The following SGIP1 variants were observed in gnomAD, a reference collection of about 807,000 sequenced individuals.
The protein encoded by SGIP1 is SH3GL interacting endocytic adaptor 1.
Under a neutral mutation model 107.5 loss-of-function variants are expected in SGIP1, and 38 were observed. The ratio of observed to expected loss-of-function variants is 0.35; its 90% CI spans 0.27 to 0.46. The LOEUF is 0.46. SGIP1 is among the 20% of genes least tolerant of loss of function. The pLI is 1.00. For synonymous variants in SGIP1, 365 were observed against 366.1 expected, an observed-to-expected ratio of 1.00 and a Z score of 0.03; for missense variants, 929 against 1,019.5, an observed-to-expected ratio of 0.91 and a Z score of 1.21.
intron 1 of SGIP1, among the ~76,000 whole-genome samples, chr1:66,592,340 T>C (rs4655633): frequency 0.68 from 103,818 of 152,074 alleles, 36,935 homozygotes; most frequent in East Asian, 1. Flanking sequence ...AAACACATTT[T>C]TAACAAAGCA....
chr1:66,717,899 C>T (rs912079424), intron 18 of SGIP1, among the ~76,000 whole-genome samples: 2 of 152,122 alleles, frequency 1.3e-5, no homozygotes, highest in South Asian at 4.1e-4. Flanking sequence ...TGCTGATGAT[C>T]GGAATGCTGC....
At chr1:66,695,822 T>C (rs1398382861) in intron 18 of SGIP1, among the ~76,000 whole-genome samples, 2 of 152,252 alleles carry the variant, frequency 1.3e-5, no homozygotes, top group East Asian at 3.8e-4. Flanking sequence ...ACCAGGGCTC[T>C]TTCCTAACTC....
chr1:66,713,509 C>T (rs569048764), intron 18 of SGIP1, among the ~76,000 whole-genome samples: 2 of 152,124 alleles, frequency 1.3e-5, no homozygotes, highest in East Asian at 1.9e-4. Flanking sequence ...ACATAAAATC[C>T]ATGTCAATAA....
chr1:66,670,860 T>C (rs976118439), intron 9 of SGIP1, 135 bp from the exon 10 acceptor site: 1 of 423,044 alleles, frequency 2.4e-6, no homozygotes, highest in African/African-American at 2.0e-5. Context: ...CCTACTTAAA[T>C]GCGGTTCTGA....
At chr1:66,575,229 G>C (rs1022400144) in intron 1 of SGIP1, among the ~76,000 whole-genome samples, 2 of 152,166 alleles carry the variant, frequency 1.3e-5, no homozygotes, top group African/African-American at 4.8e-5. Flanking sequence ...ATTGCAAAGA[G>C]GATGGGAGGG....
At chr1:66,650,933 C>T (rs2078636503) in intron 7 of SGIP1, among the ~76,000 whole-genome samples, 1 of 152,116 alleles carries the variant, frequency 6.6e-6, no homozygotes, top group African/African-American at 2.4e-5. Flanking sequence ...AGTTTGCATT[C>T]TGACTTTCCG....
chr1:66,665,056 TG>T (rs1160928999), intron 8 of SGIP1, among the ~76,000 whole-genome samples: 20 of 152,314 alleles, frequency 1.3e-4, no homozygotes, highest in African/African-American at 4.3e-4. Context: ...CATGGTGCCA[TG>T]TTGGTTGCTG....
intron 13 of SGIP1, among the ~76,000 whole-genome samples, 170 bp from the exon 14 acceptor site, chr1:66,679,508 G>T (rs940032665): frequency 6.6e-6 from 1 of 152,138 alleles, no homozygotes; most frequent in Non-Finnish European, 1.5e-5. Context: ...ATCTGAATGG[G>T]TTCTGCCTCA....
At chr1:66,719,781 T>G (rs2093430663) in intron 19 of SGIP1, among the ~76,000 whole-genome samples, 1 of 152,190 alleles carries the variant, frequency 6.6e-6, no homozygotes, top group African/African-American at 2.4e-5. Context: ...TTTATTGTCT[T>G]AATCTTTCCT....
At chr1:66,571,331 G>A (rs1028124776) in intron 1 of SGIP1, among the ~76,000 whole-genome samples, 2 of 151,916 alleles carry the variant, frequency 1.3e-5, no homozygotes, top group South Asian at 4.2e-4. Context: ...TTACAACCTA[G>A]TACAACATGA....
At chr1:66,645,175 G>A (rs2077447547) in intron 7 of SGIP1, among the ~76,000 whole-genome samples, 1 of 152,212 alleles carries the variant, frequency 6.6e-6, no homozygotes, top group African/African-American at 2.4e-5. Context: ...CCTGGGGTAA[G>A]TAAAAGAAGG....
At chr1:66,698,946 C>CT (rs1422058619) in intron 18 of SGIP1, among the ~76,000 whole-genome samples, 11 of 151,684 alleles carry the variant, frequency 7.3e-5, no homozygotes, top group Non-Finnish European at 2.9e-5. Flanking sequence ...ACCTTAAGTA[C>CT]TTAAGTGGCC....
chr1:66,626,362 G>A (rs1308810904), intron 2 of SGIP1, among the ~76,000 whole-genome samples: 1 of 152,050 alleles, frequency 6.6e-6, no homozygotes, highest in Non-Finnish European at 1.5e-5. Flanking sequence ...TACTTGAGAT[G>A]CCAAGATTTT....
intron 1 of SGIP1, among the ~76,000 whole-genome samples, chr1:66,574,366 GC>G (rs756261323): frequency 9.9e-5 from 15 of 152,210 alleles, no homozygotes; most frequent in Non-Finnish European, 1.8e-4. Flanking sequence ...TTGGCAAATG[GC>G]TAGCCATTCT....
chr1:66,537,696 G>C (rs1001549571), intron 1 of SGIP1, among the ~76,000 whole-genome samples: 1 of 151,856 alleles, frequency 6.6e-6, no homozygotes, highest in African/African-American at 2.4e-5. Context: ...GGCTTACTGG[G>C]TTTAATTACA....
chr1:66,724,109 A>G (rs1268548660), intron 19 of SGIP1, among the ~76,000 whole-genome samples: 1 of 152,224 alleles, frequency 6.6e-6, no homozygotes, highest in Non-Finnish European at 1.5e-5. Context: ...AGCAGTACAT[A>G]TAAATTGTAT....
chr1:66,595,513 G>A (rs2064474086), intron 1 of SGIP1, among the ~76,000 whole-genome samples: 3 of 152,188 alleles, frequency 2.0e-5, no homozygotes, highest in African/African-American at 7.2e-5. Context: ...TAATAAGGGT[G>A]ATAACTTTCA....
chr1:66,604,314 A>C lies in SGIP1; in HGVS notation c.11-21533A>C, dbSNP rs116749026. 4.3e-3 allele frequency among the ~76,000 whole-genome samples: 659 copies of C among 152,334 alleles called. 5 individuals carry two copies. Among genetic ancestry groups the C allele is most frequent in the African/African-American group, 0.015 (643 of 41,576 alleles). On this transcript the variant is annotated intron_variant, in intron 1 of 24. Transcript: ENST00000371037. ...TCCATGCAAGAAACCACTAGAATGC[A>C]CCAGCAAAAGGAAGATGCCGAAATA...
intron 19 of SGIP1, among the ~76,000 whole-genome samples, chr1:66,720,557 C>T (rs1322565345): frequency 6.6e-6 from 1 of 152,008 alleles, no homozygotes; most frequent in East Asian, 1.9e-4. Flanking sequence ...GGAGAGCCTG[C>T]CTCTGCAAAA....
Sources: allele counts gnomAD v4.1 joint callset (sites outside exome capture counted in the v4.1 genomes callset), GRCh38; gene constraint gnomAD v4.1.1; transcripts MANE v1.5; gene names NCBI Gene and HGNC (gene_info 2026-07-23, HGNC 2026-07-21).